RNF150: variants seen among roughly 807,000 people sequenced by gnomAD.
RNF150 encodes ring finger protein 150.
In RNF150, 24 loss-of-function variants were observed where a neutral mutation model predicts 39.3. The observed-to-expected ratio is 0.61, with a 90% confidence interval of 0.44 to 0.86. The LOEUF (loss-of-function observed/expected upper bound fraction) is 0.86. RNF150 is among the 40% of genes least tolerant of loss of function. The pLI, the probability that RNF150 is intolerant of heterozygous loss-of-function variation, is 0.00. For synonymous variants in RNF150, 255 were observed against 227.3 expected (o/e 1.12, Z -1.10); for missense variants, 502 against 587.8 (o/e 0.85, Z 1.51).
chr4:141,138,603 A>G (rs1428687422), intron 1 of RNF150, among the ~76,000 whole-genome samples: 1 of 152,180 alleles, frequency 6.6e-6, no homozygotes, highest in Non-Finnish European at 1.5e-5. Context: ...TCCTCTTCCC[A>G]GTCTTCCATG....
At chr4:140,920,083 C>T (rs1422231590) in intron 5 of RNF150, among the ~76,000 whole-genome samples, 1 of 150,876 alleles carries the variant, frequency 6.6e-6, no homozygotes, top group Non-Finnish European at 1.5e-5. Context: ...CCATAAAAAC[C>T]CTAGAAGAAA....
chr4:141,115,976 T>C (rs1739537238), intron 1 of RNF150, among the ~76,000 whole-genome samples: 2 of 152,262 alleles, frequency 1.3e-5, no homozygotes, highest in East Asian at 1.9e-4. Context: ...CCTTAAGCTT[T>C]ATACAAAAAT....
chr4:141,018,889 A>G (rs1252009361), intron 1 of RNF150, among the ~76,000 whole-genome samples: 1 of 152,006 alleles, frequency 6.6e-6, no homozygotes, highest in Non-Finnish European at 1.5e-5. Context: ...AGAAATAAGG[A>G]GGGAAGATCA....
intron 1 of RNF150, among the ~76,000 whole-genome samples, chr4:141,085,390 G>A (rs375489057): frequency 3.0e-4 from 46 of 152,276 alleles, no homozygotes; most frequent in Admixed American, 1.9e-3. Context: ...TATCAGGGGC[G>A]TAGCCACCAT....
At chr4:140,999,491 T>G (rs1196129723) in intron 1 of RNF150, among the ~76,000 whole-genome samples, 3 of 152,200 alleles carry the variant, frequency 2.0e-5, no homozygotes, top group African/African-American at 7.2e-5. Flanking sequence ...ACAGATATCC[T>G]ACAGTTTAGG....
intron 2 of RNF150, among the ~76,000 whole-genome samples, chr4:140,957,589 A>G (rs918404491): frequency 1.3e-5 from 2 of 152,170 alleles, no homozygotes; most frequent in Non-Finnish European, 2.9e-5. Context: ...TGCTATAAAG[A>G]CACATGTACA....
chr4:140,977,632 T>C (rs1177356836), intron 1 of RNF150, among the ~76,000 whole-genome samples: 1 of 152,214 alleles, frequency 6.6e-6, no homozygotes, highest in Non-Finnish European at 1.5e-5. Context: ...CACACAAAAA[T>C]GAATCCAGGT....
intron 2 of RNF150, among the ~76,000 whole-genome samples, chr4:140,966,738 G>A (rs1036174436): frequency 3.3e-5 from 5 of 152,268 alleles, no homozygotes; most frequent in Admixed American, 6.5e-5. Context: ...TTGTTAAAGT[G>A]TAAATTGGTT....
At position 141,178,911 on chromosome 4, in the gene RNF150, G is replaced by A. The variant is rs115975262; in HGVS notation, c.-6+33883C>T. Among the ~76,000 whole-genome samples, 1,059 of 144,280 alleles carry A rather than the reference G, an allele frequency of 7.3e-3. 12 individuals carry two copies. The highest frequency in any genetic ancestry group is 0.029 in the African/African-American group (1,013 of 34,346). 94.7% of individuals were successfully genotyped at this position (144,280 alleles called of 152,430 possible). A position where few individuals can be genotyped will look rare whatever the true frequency, so the allele number is the denominator to read the frequency against. ...CACCTAGAATGCTGGCTCTTCATTT[G>A]ACTAACACCTAATCATTCTTCAGGT... On this transcript the variant is annotated intron_variant, in intron 1 of 7. Transcript: ENST00000420921.
At chr4:141,142,639 A>G (rs1449480733) in intron 1 of RNF150, among the ~76,000 whole-genome samples, 1 of 152,124 alleles carries the variant, frequency 6.6e-6, no homozygotes, top group African/African-American at 2.4e-5. Flanking sequence ...GTCAGATTCA[A>G]TGGGAACACT....
intron 1 of RNF150, among the ~76,000 whole-genome samples, chr4:141,101,245 C>T (rs1738998535): frequency 6.6e-6 from 1 of 152,090 alleles, no homozygotes; most frequent in African/African-American, 2.4e-5. Context: ...ACATGTTGTA[C>T]AGCTGTACAA....
At chr4:140,990,394 G>A (rs183945072) in intron 1 of RNF150, among the ~76,000 whole-genome samples, 83 of 152,158 alleles carry the variant, frequency 5.5e-4, no homozygotes, top group Admixed American at 1.3e-3. Context: ...GGACCTGCAG[G>A]TTACCTAGGT....
chr4:141,111,516 G>C (rs1739383226), intron 1 of RNF150, among the ~76,000 whole-genome samples: 1 of 142,764 alleles, frequency 7.0e-6, no homozygotes, highest in Non-Finnish European at 1.6e-5. Context: ...TTGCAACTGG[G>C]GAGATCCACA....
chr4:141,133,830 C>A (rs932579550), upstream of RNF150, among the ~76,000 whole-genome samples: 3 of 152,264 alleles, frequency 2.0e-5, no homozygotes, highest in East Asian at 5.8e-4. Flanking sequence ...TCCAAAGCTA[C>A]CTCTGGAATA....
At chr4:140,997,566 T>A (rs1734421077) in intron 1 of RNF150, among the ~76,000 whole-genome samples, 1 of 152,004 alleles carries the variant, frequency 6.6e-6, no homozygotes. Context: ...AAGACAAAGC[T>A]CTACGAATAT....
In RNF150 at chr4:141,132,653, C is replaced by T; in HGVS notation, c.156G>A (p.Ala52=). The change falls in exon 1 of 7, where the codon GCG becomes GCA. Residue 52 remains alanine (A), a synonymous_variant. Coordinates refer to ENST00000515673, the MANE Select transcript of RNF150 (RefSeq NM_020724.2). This position sits in a 1 kb window ranked among gnomAD's most constrained non-coding sequence, Gnocchi z 4.9. ...AFVNITYAEP[A]PDPGAGAAGG... ...CCGCCGCCCCGGCCCCGGGGTCCGGCGCGGGCTCGGCGTAGGTGATGTTCA... is the reference window on the plus strand; with the variant it reads ...CCGCCGCCCCGGCCCCGGGGTCCGGTGCGGGCTCGGCGTAGGTGATGTTCA... 1 of 1,602,222 alleles carries T rather than the reference C, an allele frequency of 6.2e-7. No homozygotes were observed. The highest frequency in any genetic ancestry group is 8.5e-7 in the Non-Finnish European group (1 of 1,175,620).
In RNF150 at chr4:140,935,068, AAT is replaced by A. The variant is rs1233619969; in HGVS notation, c.891-8997_891-8996del. Among the ~76,000 whole-genome samples, 401 of 121,044 alleles carry A rather than the reference AAT, an allele frequency of 3.3e-3. 3 individuals are homozygous for A. The highest frequency in any genetic ancestry group is 4.1e-3 in the Admixed American group (45 of 11,086). 79.4% of individuals were successfully genotyped at this position (121,044 alleles called of 152,430 possible). A position where few individuals can be genotyped will look rare whatever the true frequency, so the allele number is the denominator to read the frequency against. On this transcript the variant is annotated intron_variant, in intron 4 of 6. Coordinates refer to ENST00000515673, the MANE Select transcript of RNF150 (RefSeq NM_020724.2). ...ATAAATATATATATTATATATATAT[AAT>A]ATATATATAATATATATAATAAATA...
chr4:141,141,307 G>A (rs57567945), intron 1 of RNF150, among the ~76,000 whole-genome samples: 2,051 of 152,234 alleles, frequency 0.013, 52 homozygotes, highest in African/African-American at 0.047. Context: ...ACATTCTGTG[G>A]ACTTAGTGAT....
At chr4:141,013,229 T>C (rs934413733) in intron 1 of RNF150, among the ~76,000 whole-genome samples, 3 of 152,290 alleles carry the variant, frequency 2.0e-5, no homozygotes, top group Admixed American at 2.0e-4. Flanking sequence ...ATGGCTCGGA[T>C]GGACAGTAAA....
Sources: gnomAD v4.1 joint callset for allele counts (sites outside exome capture counted in the v4.1 genomes callset) on GRCh38, gnomAD v4.1.1 for gene constraint, Gnocchi (gnomAD v3.1) non-coding constraint, MANE v1.5 for transcripts, NCBI Gene and HGNC (gene_info 2026-07-23, HGNC 2026-07-21) for gene names.